LSAMP: variants seen among roughly 807,000 people sequenced by gnomAD.
LSAMP encodes limbic system-associated membrane protein.
A neutral mutation model predicts 38.6 loss-of-function variants in LSAMP; 7 were observed. That is an observed-to-expected ratio of 0.18 (90% CI 0.10 to 0.34). The LOEUF is 0.34. Ranked by LOEUF, LSAMP falls within the 10% of genes least tolerant of loss-of-function variation. The probability of loss-of-function intolerance (pLI) is 1.00; values close to 1 mark genes in which losing one functional copy is unlikely to be tolerated. For missense variants in LSAMP, 313 were observed against 420.0 expected (o/e 0.75, Z 2.23); for synonymous variants, 154 against 166.8 (o/e 0.92, Z 0.59).
intron 6 of LSAMP, among the ~76,000 whole-genome samples, chr3:115,825,434 T>C (rs1934376323): frequency 6.6e-6 from 1 of 152,232 alleles, no homozygotes; most frequent in Non-Finnish European, 1.5e-5. Flanking sequence ...CTGAAAATAC[T>C]GATGGCTCCT....
intron 1 of LSAMP, among the ~76,000 whole-genome samples, chr3:116,175,574 T>C (rs1341855379): frequency 1.3e-5 from 2 of 152,016 alleles, no homozygotes; most frequent in African/African-American, 4.8e-5. Flanking sequence ...TAAACATTGA[T>C]ATCAATCAAT....
At chr3:116,429,413 C>A (rs1329629790) in intron 1 of LSAMP, among the ~76,000 whole-genome samples, 3 of 151,878 alleles carry the variant, frequency 2.0e-5, no homozygotes, top group African/African-American at 7.3e-5. Flanking sequence ...GTTGGTTGAC[C>A]TCATATTTTG....
chr3:115,940,455 TGC>T, intron 3 of LSAMP, among the ~76,000 whole-genome samples: 1 of 150,390 alleles, frequency 6.6e-6, no homozygotes, highest in Non-Finnish European at 1.5e-5. Context: ...CGCTGATTGG[TGC>T]GTTTACAATC....
intron 2 of LSAMP, among the ~76,000 whole-genome samples, chr3:116,072,752 G>GTTTTTTTTTTT (rs36091421): frequency 4.5e-5 from 5 of 112,344 alleles, no homozygotes; most frequent in Admixed American, 9.3e-5. Flanking sequence ...GTTGTTTGTG[G>GTTTTTTTTTTT]TTTTTTTTTT....
chr3:116,252,071 G>A (rs890061151), intron 1 of LSAMP, among the ~76,000 whole-genome samples: 3 of 152,164 alleles, frequency 2.0e-5, no homozygotes, highest in African/African-American at 4.8e-5. Context: ...CGTTAGGAGC[G>A]TCTCTGCTCC....
chr3:115,857,251 G>T (rs554868171), intron 3 of LSAMP, among the ~76,000 whole-genome samples: 26 of 152,246 alleles, frequency 1.7e-4, no homozygotes, highest in African/African-American at 6.3e-4. Flanking sequence ...ATTCTAAAAT[G>T]CACTCAGATT....
chr3:116,425,588 T>A (rs2049184074), intron 1 of LSAMP, among the ~76,000 whole-genome samples: 1 of 152,148 alleles, frequency 6.6e-6, no homozygotes, highest in Non-Finnish European at 1.5e-5. Flanking sequence ...AATAAAAATA[T>A]TGATTGAAAT....
chr3:115,983,163 G>A (rs552349986), intron 3 of LSAMP, among the ~76,000 whole-genome samples: 1 of 152,106 alleles, frequency 6.6e-6, no homozygotes, highest in African/African-American at 2.4e-5. Context: ...CTGAGTATGG[G>A]TCATCTGGGT....
At chr3:115,976,668 GA>G (rs1939196335) in intron 3 of LSAMP, among the ~76,000 whole-genome samples, 1 of 152,190 alleles carries the variant, frequency 6.6e-6, no homozygotes, top group Non-Finnish European at 1.5e-5. Context: ...GTTGGGGAAG[GA>G]ATGTGGTGAG....
intron 1 of LSAMP, among the ~76,000 whole-genome samples, chr3:116,149,998 T>A (rs901564004): frequency 2.0e-5 from 3 of 152,082 alleles, no homozygotes; most frequent in Admixed American, 1.3e-4. Context: ...ACTACATTCA[T>A]TAATCTGACT....
At chr3:116,079,285 T>C (rs1328123702) in intron 2 of LSAMP, among the ~76,000 whole-genome samples, 3 of 152,196 alleles carry the variant, frequency 2.0e-5, no homozygotes, top group African/African-American at 7.2e-5. Context: ...TCAGAATCCT[T>C]TCTTCTTCAG....
chr3:116,424,981 T>G (rs2107861520), intron 1 of LSAMP, among the ~76,000 whole-genome samples: 1 of 151,526 alleles, frequency 6.6e-6, no homozygotes, highest in Non-Finnish European at 1.5e-5. Context: ...AGAGGCCAAC[T>G]TCACTAGAAG....
intron 1 of LSAMP, among the ~76,000 whole-genome samples, chr3:116,264,676 T>G (rs2046870659): frequency 6.6e-6 from 1 of 152,122 alleles, no homozygotes; most frequent in Non-Finnish European, 1.5e-5. Flanking sequence ...ATCATGGCTC[T>G]CTGCAGCCTC....
chr3:115,850,841 C>T (rs188372682), intron 4 of LSAMP, among the ~76,000 whole-genome samples: 3 of 152,320 alleles, frequency 2.0e-5, no homozygotes, highest in African/African-American at 2.4e-5. Context: ...GCATAGGCTG[C>T]GTAAACTTTA....
rs116022717 is a variant in LSAMP, at chr3:116,387,760, T to A, written c.155+57117A>T. 4.5e-3 allele frequency among the ~76,000 whole-genome samples: 686 copies of A among 152,242 alleles called. 7 individuals are homozygous for A. Among genetic ancestry groups the A allele is most frequent in the African/African-American group, 0.016 (652 of 41,520 alleles). On this transcript the variant is annotated intron_variant, in intron 1 of 6. Transcript: ENST00000490035. The stretch of plus-strand genomic sequence containing the variant: ...ACTGCCACATCATACATGCATATAG[T>A]TGTAGATACAGAAATAGCTATAGAT...
Position 115,815,291 on chromosome 3 carries a change from C to T in LSAMP, c.920-4877G>A, listed in dbSNP as rs375694321. 3.9e-5 allele frequency among the ~76,000 whole-genome samples: 6 copies of T among 152,172 alleles called. No individual in the cohort carries two copies. In the South Asian group the frequency reaches 6.2e-4, roughly 16 times the overall value. ...TACGTATGTATATGAAAAAATATAG[C>T]GTATATAGGTAGGGTTCTGTACTAT... On this transcript the variant is annotated intron_variant, in intron 6 of 6. Coordinates refer to ENST00000490035, the MANE Select transcript of LSAMP (RefSeq NM_002338.5).
At chr3:116,201,651 C>T (rs1388263743) in intron 1 of LSAMP, among the ~76,000 whole-genome samples, 1 of 152,176 alleles carries the variant, frequency 6.6e-6, no homozygotes, top group Non-Finnish European at 1.5e-5. Flanking sequence ...CTTACTCAGG[C>T]TCTTGTGCAG....
intron 3 of LSAMP, among the ~76,000 whole-genome samples, chr3:115,893,592 T>G (rs1050229598): frequency 6.6e-6 from 1 of 152,124 alleles, no homozygotes; most frequent in Admixed American, 6.6e-5. Flanking sequence ...TGATCAATCA[T>G]AGTAGAGAAA....
intron 3 of LSAMP, among the ~76,000 whole-genome samples, chr3:115,992,470 C>A (rs1259068369): frequency 6.6e-6 from 1 of 151,892 alleles, no homozygotes; most frequent in Non-Finnish European, 1.5e-5. Flanking sequence ...TCAAAGACAC[C>A]CTCCCTCTTC....
Sources: allele counts gnomAD v4.1 joint callset (sites outside exome capture counted in the v4.1 genomes callset), GRCh38; gene constraint gnomAD v4.1.1; transcripts MANE v1.5; gene names NCBI Gene and HGNC (gene_info 2026-07-23, HGNC 2026-07-21).